TAFA2: variants seen among roughly 807,000 people sequenced by gnomAD.
TAFA2 encodes the protein chemokine-like protein TAFA-2.
TAFA2 carries 7 observed loss-of-function variants against 18.8 expected under a neutral mutation model. The observed-to-expected ratio is 0.37, with a 90% CI of 0.21 to 0.70. The LOEUF (loss-of-function observed/expected upper bound fraction) is 0.70, where lower values mean the gene tolerates loss of function less well. Among genes scored for constraint, TAFA2 ranks in the 30% least tolerant of loss-of-function variants. The probability of loss-of-function intolerance (pLI) is 0.53; values close to 1 mark genes in which losing one functional copy is unlikely to be tolerated. For missense variants in TAFA2, 122 were observed against 158.1 expected (o/e 0.77, Z 1.23); for synonymous variants, 60 against 54.2 (o/e 1.11, Z -0.47).
At chr12:62,047,867 G>C (rs554216795) in intron 1 of TAFA2, among the ~76,000 whole-genome samples, 2 of 152,226 alleles carry the variant, frequency 1.3e-5, no homozygotes, top group East Asian at 3.9e-4. Context: ...CATGCTGAAA[G>C]TTCCTAAATA....
rs1304603020 is a variant in TAFA2, at chr12:61,946,257, T to G, written c.-1-78831A>C. On this transcript the variant is annotated intron_variant, in intron 1 of 4. Coordinates refer to ENST00000416284, the MANE Select transcript of TAFA2 (RefSeq NM_178539.5). ...GCTGGGAAAACTGGCTAGCCATATG[T>G]AGAAAGCTGAAACTGGATCCCTTCC... Among the ~76,000 whole-genome samples the G allele has an allele frequency of 2.1e-3, 310 of 150,950 alleles. 1 individual carries two copies. Among genetic ancestry groups the G allele is most frequent in the African/African-American group, 6.5e-3 (265 of 40,980 alleles).
Position 61,734,954 on chromosome 12 carries a change from G to T in TAFA2, c.384+18668C>A, listed in dbSNP as rs184320199. 4.0e-3 allele frequency among the ~76,000 whole-genome samples: 605 copies of T among 152,040 alleles called. 5 individuals are homozygous for T. Among genetic ancestry groups the T allele is most frequent in the Admixed American group, 7.8e-3 (119 of 15,236 alleles). ...GTCTCAATCTCCTCAACTGTAAAAG[G>T]ATGATAATAATCAAGTCTTTCTTAT... On this transcript the variant is annotated intron_variant, in intron 4 of 4. Transcript: ENST00000416284.
rs550864791 is a variant in TAFA2, at chr12:62,177,807, G to A, written c.-2+13452C>T. On this transcript the variant is annotated intron_variant, in intron 1 of 4. Coordinates refer to ENST00000416284, the MANE Select transcript of TAFA2 (RefSeq NM_178539.5). Reference sequence around the variant, plus strand: ...CATATTCAGTCTCCAAGACCAGTTCGTTTCATCTCCTACCTCTCAACTGTT... The same window carrying A: ...CATATTCAGTCTCCAAGACCAGTTCATTTCATCTCCTACCTCTCAACTGTT... 1.7e-4 allele frequency among the ~76,000 whole-genome samples: 26 copies of A among 152,090 alleles called. No homozygotes were observed. In the South Asian group the frequency reaches 2.5e-3, roughly 15 times the overall value.
intron 1 of TAFA2, among the ~76,000 whole-genome samples, chr12:62,066,767 A>G (rs1052309223): frequency 3.3e-5 from 5 of 152,076 alleles, no homozygotes; most frequent in Non-Finnish European, 5.9e-5. Context: ...TAGTGCTGTA[A>G]TAAACAAGGG....
At chr12:62,237,655 G>A (rs779177931) in intron 1 of TAFA2, among the ~76,000 whole-genome samples, 1 of 152,144 alleles carries the variant, frequency 6.6e-6, no homozygotes, top group Non-Finnish European at 1.5e-5. Flanking sequence ...TTGCTATCTG[G>A]CTTGTTTTCA....
At chr12:61,724,176 T>C (rs12321969) in intron 4 of TAFA2, among the ~76,000 whole-genome samples, 1,601 of 152,238 alleles carry the variant, frequency 0.011, 33 homozygotes, top group African/African-American at 0.037. Context: ...ATCTGGAGAC[T>C]AGTATTTTTA....
chr12:61,795,961 C>T (rs1002043776), intron 2 of TAFA2, among the ~76,000 whole-genome samples: 2 of 151,906 alleles, frequency 1.3e-5, no homozygotes, highest in African/African-American at 4.8e-5. Context: ...ATTAAAAACA[C>T]TTACTACACC....
At chr12:62,037,957 T>C (rs1001183186) in intron 1 of TAFA2, among the ~76,000 whole-genome samples, 4 of 152,200 alleles carry the variant, frequency 2.6e-5, no homozygotes, top group Admixed American at 6.5e-5. Context: ...AAAACATCCA[T>C]ATCCACATGA....
At chr12:62,231,595 C>T (rs12227228) in intron 1 of TAFA2, among the ~76,000 whole-genome samples, 41,433 of 151,956 alleles carry the variant, frequency 0.27, 5,920 homozygotes, top group African/African-American at 0.34. Flanking sequence ...TAAAGACTTA[C>T]TACTGCTATT....
chr12:62,111,628 C>T (rs1241435651), intron 1 of TAFA2, among the ~76,000 whole-genome samples: 1 of 152,172 alleles, frequency 6.6e-6, no homozygotes, highest in Admixed American at 6.5e-5. Context: ...GTGTAAGTCT[C>T]TTTGTAGGTC....
At chr12:61,723,242 A>G (rs1166906021) in intron 4 of TAFA2, among the ~76,000 whole-genome samples, 1 of 152,152 alleles carries the variant, frequency 6.6e-6, no homozygotes, top group Non-Finnish European at 1.5e-5. Context: ...TGTTTCTCTC[A>G]CTAAAATACG....
intron 2 of TAFA2, among the ~76,000 whole-genome samples, chr12:61,771,180 G>A (rs541309914): frequency 2.1e-4 from 32 of 152,060 alleles, no homozygotes; most frequent in African/African-American, 7.5e-4. Context: ...AAAAAGACTA[G>A]TCCAACATGA....
At chr12:62,175,201 C>G (rs2062503897) in intron 1 of TAFA2, among the ~76,000 whole-genome samples, 1 of 152,106 alleles carries the variant, frequency 6.6e-6, no homozygotes, top group South Asian at 2.1e-4. Context: ...AAACTTCCTT[C>G]CAGAACTTTG....
chr12:62,110,926 T>C (rs967668639), intron 1 of TAFA2, among the ~76,000 whole-genome samples: 4 of 152,112 alleles, frequency 2.6e-5, no homozygotes, highest in African/African-American at 9.7e-5. Context: ...GTTAATCTTT[T>C]CAAAAAAACA....
intron 4 of TAFA2, among the ~76,000 whole-genome samples, chr12:61,730,389 T>G (rs566766965): frequency 3.3e-5 from 5 of 152,166 alleles, no homozygotes; most frequent in African/African-American, 1.2e-4. Flanking sequence ...TCAGCTGCAG[T>G]AGTACAGGGG....
At chr12:61,723,887 G>C (rs1038608330) in intron 4 of TAFA2, among the ~76,000 whole-genome samples, 1 of 151,966 alleles carries the variant, frequency 6.6e-6, no homozygotes, top group African/African-American at 2.4e-5. Flanking sequence ...GCTTAACACT[G>C]TCAGGAAATT....
intron 2 of TAFA2, among the ~76,000 whole-genome samples, chr12:61,843,817 C>T (rs1262620308): frequency 6.6e-6 from 1 of 152,118 alleles, no homozygotes; most frequent in African/African-American, 2.4e-5. Context: ...TGTAGGTGAA[C>T]TTGTGAAGTA....
chr12:61,796,745 C>G (rs1871204041), intron 2 of TAFA2, among the ~76,000 whole-genome samples: 1 of 152,054 alleles, frequency 6.6e-6, no homozygotes, highest in Admixed American at 6.6e-5. Flanking sequence ...AGCTATTTGT[C>G]TTTGTGCTTA....
chr12:62,138,930 A>C (rs2062218493), intron 1 of TAFA2, among the ~76,000 whole-genome samples: 1 of 152,218 alleles, frequency 6.6e-6, no homozygotes, highest in African/African-American at 2.4e-5. Flanking sequence ...GTGCCACAAG[A>C]ATTAATAGAT....
Sources: gnomAD v4.1 joint callset for allele counts (sites outside exome capture counted in the v4.1 genomes callset) on GRCh38, gnomAD v4.1.1 for gene constraint, MANE v1.5 for transcripts, NCBI Gene and HGNC (gene_info 2026-07-23, HGNC 2026-07-21) for gene names.